The following DNAH5 variants were observed in gnomAD, a reference collection of about 807,000 sequenced individuals.
DNAH5 encodes the protein axonemal beta dynein heavy chain 5.
A neutral mutation model predicts 518.2 loss-of-function variants in DNAH5; 372 were observed. That is an observed-to-expected ratio of 0.72 (90% CI 0.66 to 0.78). DNAH5 has a LOEUF of 0.78. DNAH5 is among the 30% of genes least tolerant of loss of function. DNAH5 has a pLI of 0.00. For missense variants in DNAH5, 5,523 were observed against 5,687.0 expected, an observed-to-expected ratio of 0.97 and a Z score of 0.93; for synonymous variants, 2,039 against 2,025.9, an observed-to-expected ratio of 1.01 and a Z score of -0.17.
chr5:13,781,259 T>C (rs770281611), intron 52 of DNAH5, among the ~76,000 whole-genome samples: 13 of 152,090 alleles, frequency 8.5e-5, no homozygotes, highest in Admixed American at 3.9e-4. Context: ...GAGATATCTA[T>C]CTAAAGGGGA....
intron 73 of DNAH5, 99 bp from the exon 74 acceptor site, chr5:13,716,789 G>T: frequency 1.2e-6 from 1 of 818,580 alleles, no homozygotes; most frequent in Non-Finnish European, 2.1e-6. Flanking sequence ...ACATCATTCA[G>T]TCAGTCACTC....
chr5:13,836,904 G>A (rs1436579255), intron 35 of DNAH5, among the ~76,000 whole-genome samples: 1 of 152,176 alleles, frequency 6.6e-6, no homozygotes, highest in African/African-American at 2.4e-5. Flanking sequence ...AAGCACGAAA[G>A]GCACCTGACC....
intron 35 of DNAH5, among the ~76,000 whole-genome samples, chr5:13,835,678 A>ACACC (rs1272161065): frequency 2.0e-5 from 3 of 152,136 alleles, no homozygotes; most frequent in South Asian, 4.1e-4. Context: ...TGCAAATCAG[A>ACACC]CACCGCCTCC....
At chr5:13,843,323 A>T (rs141036405) in intron 32 of DNAH5, among the ~76,000 whole-genome samples, 1 of 152,202 alleles carries the variant, frequency 6.6e-6, no homozygotes, top group Non-Finnish European at 1.5e-5. Context: ...CCCTGCTTAA[A>T]CACCTCCCAT....
chr5:13,725,086 G>C (rs1294177681), intron 70 of DNAH5, among the ~76,000 whole-genome samples: 1 of 152,154 alleles, frequency 6.6e-6, no homozygotes, highest in East Asian at 1.9e-4. Context: ...CAGATCAGTG[G>C]ACAAATGGCC....
In DNAH5 at chr5:13,916,464, T is replaced by G. The variant is rs531634191; in HGVS notation, c.1090-9A>C. Reference sequence around the variant, plus strand: ...GCATCCATCATGGATAGCTGAAAGATATCACCAAAGTTTTCAGAAAAAATC... The same window carrying G: ...GCATCCATCATGGATAGCTGAAAGAGATCACCAAAGTTTTCAGAAAAAATC... On this transcript the variant is annotated splice_polypyrimidine_tract_variant and intron_variant, in intron 8 of 78. Transcript: ENST00000265104. 3 of 1,465,678 alleles carry G rather than the reference T, an allele frequency of 2.0e-6. No homozygotes were observed. The highest frequency in any genetic ancestry group is 2.9e-6 in the Non-Finnish European group (3 of 1,048,762). The allele number at this position is 1,465,678 out of a possible 1,614,324, so 90.8% of individuals were successfully genotyped here.
At chr5:13,862,864 AAACTTT>A (rs1768681712) in intron 28 of DNAH5, 117 bp from the exon 29 acceptor site, 7 of 317,804 alleles carry the variant, frequency 2.2e-5, no homozygotes, top group East Asian at 5.8e-5. Context: ...ATATATATAT[AAACTTT>A]TATATTTCCA....
chr5:14,008,534 G>A (rs1053358277), intron 1 of DNAH5, among the ~76,000 whole-genome samples: 3 of 151,940 alleles, frequency 2.0e-5, no homozygotes, highest in Non-Finnish European at 4.4e-5. Flanking sequence ...TGTGGTATGA[G>A]AATCACAGAA....
At chr5:14,001,564 T>C (rs191765) in intron 1 of DNAH5, among the ~76,000 whole-genome samples, 108,357 of 151,490 alleles carry the variant, frequency 0.72, 38,979 homozygotes, top group South Asian at 0.8. Context: ...AGGGTTTCAC[T>C]GTGTTAGCCA....
intron 17 of DNAH5, among the ~76,000 whole-genome samples, chr5:13,889,237 A>G (rs932100569): frequency 6.6e-6 from 1 of 152,218 alleles, no homozygotes; most frequent in Non-Finnish European, 1.5e-5. Context: ...ATCATCAGAA[A>G]AGGGGTAAGA....
intron 52 of DNAH5, among the ~76,000 whole-genome samples, chr5:13,784,057 A>G (rs940161483): frequency 4.3e-4 from 66 of 152,182 alleles, no homozygotes; most frequent in African/African-American, 1.5e-3. Context: ...GTGTTTCAAG[A>G]AAGCCTCCTC....
At chr5:13,882,840 A>G in intron 20 of DNAH5, 25 bp from the exon 21 acceptor site, 6 of 1,613,870 alleles carry the variant, frequency 3.7e-6, no homozygotes, top group Non-Finnish European at 4.2e-6. Flanking sequence ...GATATTTTTC[A>G]GTTCTGTCCT....
chr5:13,845,932 G>C (rs1765938475), intron 31 of DNAH5, among the ~76,000 whole-genome samples: 1 of 147,398 alleles, frequency 6.8e-6, no homozygotes, highest in South Asian at 2.1e-4. Context: ...CCGGGTTCAA[G>C]TGTTTCTCCT....
chr5:13,988,200 A>G (rs1037765919), intron 1 of DNAH5, among the ~76,000 whole-genome samples: 11 of 152,240 alleles, frequency 7.2e-5, no homozygotes, highest in African/African-American at 2.7e-4. Flanking sequence ...AGTATCATAG[A>G]TAAAATAAAA....
intron 65 of DNAH5, among the ~76,000 whole-genome samples, chr5:13,747,766 G>A (rs1749607704): frequency 6.6e-6 from 1 of 152,052 alleles, no homozygotes; most frequent in African/African-American, 2.4e-5. Context: ...TGAGTTCTTT[G>A]TAGATTCTGG....
chr5:13,996,589 G>C (rs1783972985), intron 1 of DNAH5, among the ~76,000 whole-genome samples: 1 of 152,234 alleles, frequency 6.6e-6, no homozygotes, highest in African/African-American at 2.4e-5. Flanking sequence ...GAAGAAAGAA[G>C]TGACAGGACC....
intron 15 of DNAH5, chr5:13,898,333 C>T (rs1774165210): frequency 1.3e-5 from 5 of 376,506 alleles, no homozygotes; most frequent in African/African-American, 4.2e-5. Context: ...TCAGTAATTC[C>T]ATAATCTTAT....
At chr5:13,822,357 C>T (rs556321048) in intron 40 of DNAH5, among the ~76,000 whole-genome samples, 2 of 151,838 alleles carry the variant, frequency 1.3e-5, no homozygotes, top group Admixed American at 1.3e-4. Flanking sequence ...CTTAAGTGAC[C>T]CTCCCACCTC....
At chr5:13,807,158 A>C (rs1373496690) in intron 47 of DNAH5, among the ~76,000 whole-genome samples, 1 of 152,216 alleles carries the variant, frequency 6.6e-6, no homozygotes, top group African/African-American at 2.4e-5. Context: ...TTGGTACTGT[A>C]ACAGCCTTTG....
Sources: gnomAD v4.1 joint callset for allele counts (sites outside exome capture counted in the v4.1 genomes callset) on GRCh38, gnomAD v4.1.1 for gene constraint, MANE v1.5 for transcripts, NCBI Gene and HGNC (gene_info 2026-07-23, HGNC 2026-07-21) for gene names.